Variants in PTPRD observed in about 807,000 individuals in gnomAD.
PTPRD encodes the protein receptor-type tyrosine-protein phosphatase delta.
In PTPRD, 34 loss-of-function variants were observed where a neutral mutation model predicts 214.5. The ratio of observed to expected loss-of-function variants is 0.16; its 90% CI spans 0.12 to 0.21. The LOEUF (loss-of-function observed/expected upper bound fraction) is 0.21, where lower values mean the gene tolerates loss of function less well. PTPRD is among the 10% of genes least tolerant of loss of function. The pLI is 1.00. For missense variants in PTPRD, 2,545 were observed against 2,398.7 expected (o/e 1.06, Z -1.27); for synonymous variants, 1,128 against 845.7 (o/e 1.33, Z -5.79).
chr9:8,551,633 A>T (rs1003239364), intron 14 of PTPRD, among the ~76,000 whole-genome samples: 1 of 152,220 alleles, frequency 6.6e-6, no homozygotes, highest in African/African-American at 2.4e-5. Flanking sequence ...AAATAGCATG[A>T]TCATTTTCAA....
chr9:8,842,707 G>C (rs373022900), intron 11 of PTPRD, among the ~76,000 whole-genome samples: 30 of 152,260 alleles, frequency 2.0e-4, no homozygotes, highest in East Asian at 1.7e-3. Flanking sequence ...CTTCTAGCAG[G>C]TTGTTCTGAG....
At chr9:9,867,666 A>C (rs1280667816) in intron 5 of PTPRD, among the ~76,000 whole-genome samples, 1 of 152,176 alleles carries the variant, frequency 6.6e-6, no homozygotes, top group African/African-American at 2.4e-5. Flanking sequence ...ATCTCCCCAA[A>C]TCTAGGTGGA....
Position 10,421,336 on chromosome 9 carries a change from T to C in PTPRD, c.-599-80319A>G, listed in dbSNP as rs192351496. Among the ~76,000 whole-genome samples, 14 of 152,058 alleles carry C rather than the reference T, an allele frequency of 9.2e-5. No individual in the cohort carries two copies. The East Asian group carries it at 2.7e-3, about 30-fold the overall frequency. On this transcript the variant is annotated intron_variant, in intron 2 of 45. Transcript: ENST00000381196. ...ATACACACACTCATGTTTATTCTTA[T>C]TTCTACTGTAATATATTGACAGCAA...
chr9:9,341,915 T>C (rs1364789220), intron 9 of PTPRD, among the ~76,000 whole-genome samples: 1 of 152,118 alleles, frequency 6.6e-6, no homozygotes, highest in Non-Finnish European at 1.5e-5. Flanking sequence ...TTCAAGTGAT[T>C]CTCCTGCCTC....
chr9:9,859,571 A>C (rs10125513), intron 5 of PTPRD, among the ~76,000 whole-genome samples: 17,386 of 152,256 alleles, frequency 0.11, 2,409 homozygotes, highest in East Asian at 0.72. Context: ...CCCACCTTCA[A>C]GGAGAGAATG....
At chr9:10,203,738 C>T (rs2099446948) in intron 3 of PTPRD, among the ~76,000 whole-genome samples, 1 of 152,092 alleles carries the variant, frequency 6.6e-6, no homozygotes, top group Non-Finnish European at 1.5e-5. Flanking sequence ...AAAAAAATTG[C>T]TTTTGTGTAT....
rs761192923 is a variant in PTPRD at position 8,528,625 on chromosome 9, G to A, written c.507C>T (p.Ser169=). ...ACTGCTTAATACGACCATTGTTGTTGCTTGTGTCCACAGGTAAGAAATCTT... is the reference window on the plus strand; with the variant it reads ...ACTGCTTAATACGACCATTGTTGTTACTTGTGTCCACAGGTAAGAAATCTT... The part of the protein sequence containing the change: ...WFKDFLPVDT[S]NNNGRIKQLR... Residue 169 remains serine, a synonymous_variant, in exon 15 of 46, where the codon AGC becomes AGT. Coordinates refer to ENST00000381196, the MANE Select transcript of PTPRD (RefSeq NM_002839.4). 3.1e-6 allele frequency: 5 copies of A among 1,613,558 alleles called. No individual in the cohort carries two copies. Among genetic ancestry groups the A allele is most frequent in the Non-Finnish European group, 4.2e-6 (5 of 1,179,716 alleles).
At chr9:9,555,309 G>A (rs140804774) in intron 8 of PTPRD, among the ~76,000 whole-genome samples, 1,721 of 152,082 alleles carry the variant, frequency 0.011, 18 homozygotes, top group Non-Finnish European at 0.016. Context: ...AAACCTGAAT[G>A]TTCCCCCCAT....
rs753570925 is a variant in PTPRD at position 9,931,273 on chromosome 9, G to A, written c.-368+7234C>T. ...CCGGTCTACAGCTCCCAGCGTGAGC[G>A]ACGCAGAAGACAGGTGATTTCTGCA... is the stretch of plus-strand genomic sequence containing the variant. On this transcript the variant is annotated intron_variant, in intron 5 of 45. Transcript: ENST00000381196. Among the ~76,000 whole-genome samples the A allele has an allele frequency of 1.5e-3, 226 of 152,296 alleles. 1 individual carries two copies. The highest frequency in any genetic ancestry group is 1.7e-3 in the Non-Finnish European group (118 of 68,028).
intron 2 of PTPRD, among the ~76,000 whole-genome samples, chr9:10,463,008 T>C (rs1347558657): frequency 6.6e-6 from 1 of 150,764 alleles, no homozygotes; most frequent in East Asian, 1.9e-4. Flanking sequence ...CCATACTCAT[T>C]TGAGTAATAG....
chr9:9,690,694 T>A (rs1389606971), intron 7 of PTPRD, among the ~76,000 whole-genome samples: 1 of 151,940 alleles, frequency 6.6e-6, no homozygotes, highest in African/African-American at 2.4e-5. Context: ...GTTATTCAGT[T>A]TTCCCAGCAC....
At chr9:9,099,515 A>G (rs936958592) in intron 10 of PTPRD, among the ~76,000 whole-genome samples, 9 of 152,154 alleles carry the variant, frequency 5.9e-5, no homozygotes, top group African/African-American at 2.2e-4. Context: ...TTTTGGAGGT[A>G]AGTAACATCA....
chr9:9,709,965 T>C (rs1162241871), intron 7 of PTPRD, among the ~76,000 whole-genome samples: 2 of 152,048 alleles, frequency 1.3e-5, no homozygotes. Flanking sequence ...AATTATCTTC[T>C]AGTCTGAAGG....
chr9:8,314,839 A>G lies in PTPRD; in HGVS notation c.*3035T>C, dbSNP rs1036079530. The G allele has an allele frequency of 8.6e-6, 2 of 232,260 alleles. No individual in the cohort carries two copies. Among genetic ancestry groups the G allele is most frequent in the African/African-American group, 4.4e-5 (2 of 45,216 alleles). The allele number at this position is 232,260 out of a possible 1,614,324, so 14.4% of individuals were successfully genotyped here. A position where few individuals can be genotyped will look rare whatever the true frequency, so the allele number is the denominator to read the frequency against. On this transcript the variant is annotated 3_prime_UTR_variant, in exon 46 of 46. Transcript: ENST00000381196. ...AATATCATTATTGGGTGTAGAATCA[A>G]TAGGGCAGTGCATAGTACAAAGGTA...
At chr9:9,748,776 A>G (rs763072286) in intron 6 of PTPRD, among the ~76,000 whole-genome samples, 2 of 152,204 alleles carry the variant, frequency 1.3e-5, no homozygotes, top group Non-Finnish European at 1.5e-5. Flanking sequence ...TTTACACAGC[A>G]AAGTGATTTC....
intron 8 of PTPRD, among the ~76,000 whole-genome samples, chr9:9,400,456 C>G (rs1259295155): frequency 6.6e-6 from 1 of 151,612 alleles, no homozygotes; most frequent in East Asian, 1.9e-4. Flanking sequence ...CCTTCTAATA[C>G]TACAACATAT....
intron 10 of PTPRD, among the ~76,000 whole-genome samples, chr9:9,067,297 T>C (rs1162751506): frequency 1.3e-5 from 2 of 152,214 alleles, no homozygotes; most frequent in African/African-American, 4.8e-5. Flanking sequence ...TTCAACTGTA[T>C]TTTTGTGTTT....
At chr9:9,395,871 C>A (rs934152714) in intron 9 of PTPRD, among the ~76,000 whole-genome samples, 1 of 152,060 alleles carries the variant, frequency 6.6e-6, no homozygotes, top group East Asian at 1.9e-4. Flanking sequence ...GGACTATCTA[C>A]CCCCACAACC....
chr9:9,858,945 G>T (rs985537753), intron 5 of PTPRD, among the ~76,000 whole-genome samples: 2 of 152,116 alleles, frequency 1.3e-5, no homozygotes, highest in South Asian at 2.1e-4. Context: ...ATACTGATAC[G>T]GTTTGGCTCT....
Sources: gnomAD v4.1 joint callset for allele counts (sites outside exome capture counted in the v4.1 genomes callset) on GRCh38, gnomAD v4.1.1 for gene constraint, MANE v1.5 for transcripts, NCBI Gene and HGNC (gene_info 2026-07-23, HGNC 2026-07-21) for gene names.